SIRPG: variants seen among roughly 807,000 people sequenced by gnomAD.
SIRPG encodes signal-regulatory protein gamma.
SIRPG carries 38 observed loss-of-function variants against 35.7 expected under a neutral mutation model. The observed-to-expected ratio is 1.06, with a 90% CI of 0.82 to 1.40. The LOEUF is 1.40. Ranked by LOEUF, SIRPG falls within the 40% of genes most tolerant of loss-of-function variation. The pLI is 0.00. For synonymous variants in SIRPG, 215 were observed against 190.4 expected (o/e 1.13, Z -1.06); for missense variants, 519 against 483.0 (o/e 1.07, Z -0.70).
At chr20:1,671,785 T>C in the SIRPG span, among the ~76,000 whole-genome samples, 5 of 152,258 alleles carry the variant, frequency 3.3e-5, no homozygotes, top group African/African-American at 9.6e-5. Context: ...GCTAGTTATC[T>C]GCAGCAGGAG....
At chr20:1,645,974 A>T (rs1293420430) in intron 2 of SIRPG, 3 of 152,228 alleles carry the variant, frequency 2.0e-5, no homozygotes, top group Non-Finnish European at 2.9e-5. Flanking sequence ...CAATTTGGGG[A>T]TGCTTAGAAT....
the SIRPG span, among the ~76,000 whole-genome samples, chr20:1,677,250 A>G: frequency 6.6e-6 from 1 of 152,148 alleles, no homozygotes; most frequent in Non-Finnish European, 1.5e-5. Flanking sequence ...CCCTCTTTGG[A>G]AGTGTCATAC....
At chr20:1,638,366 G>A (rs2091821420) in intron 2 of SIRPG, 1 of 150,034 alleles carries the variant, frequency 6.7e-6, no homozygotes, top group Non-Finnish European at 1.5e-5. Context: ...GTTATCAAGA[G>A]GTTTGGTCAT....
At chr20:1,677,120 A>G in the SIRPG span, among the ~76,000 whole-genome samples, 1 of 145,528 alleles carries the variant, frequency 6.9e-6, no homozygotes, top group East Asian at 1.9e-4. Context: ...TTTAAGATAG[A>G]GCTTAAACAT....
intron 4 of SIRPG, among the ~76,000 whole-genome samples, chr20:1,631,165 A>G (rs1305979016): frequency 6.6e-6 from 1 of 152,204 alleles, no homozygotes; most frequent in Admixed American, 6.5e-5. Flanking sequence ...TAAAGATATT[A>G]CAGTATATTT....
At chr20:1,634,752 T>A (rs2091779015) in intron 4 of SIRPG, among the ~76,000 whole-genome samples, 3 of 152,072 alleles carry the variant, frequency 2.0e-5, no homozygotes, top group South Asian at 4.1e-4. Flanking sequence ...CTTAAATATA[T>A]ATTTATGTAC....
chr20:1,637,452 T>G (rs1367678752), intron 2 of SIRPG: 1 of 167,202 alleles, frequency 6.0e-6, no homozygotes, highest in Non-Finnish European at 1.4e-5. Flanking sequence ...TGAACTGTTT[T>G]CAAAAACAAC....
the SIRPG span, chr20:1,670,788 C>A: frequency 5.2e-6 from 1 of 191,090 alleles, no homozygotes; most frequent in Non-Finnish European, 1.1e-5. Flanking sequence ...GAATTAGATT[C>A]CAGGAAATCC....
chr20:1,657,651 C>T lies in SIRPG; in HGVS notation c.64G>A (p.Gly22Arg). The T allele has an allele frequency of 6.2e-7, 1 of 1,614,138 alleles. No individual in the cohort carries two copies. The highest frequency in any genetic ancestry group is 8.5e-7 in the Non-Finnish European group (1 of 1,180,028). Residue 22 changes from glycine to arginine, a missense_variant, in exon 1 of 6, where the codon GGA becomes AGA. Physicochemically the swap from Gly to Arg is moderately radical, Grantham distance 125. Coordinates refer to ENST00000303415, the MANE Select transcript of SIRPG (RefSeq NM_018556.4). The stretch of plus-strand genomic sequence containing the variant: ...CCAATGCAATGCTCACCTGTAAGTC[C>T]CAGCAGTAGAGTCAGAAGCAGGAAA... The part of the protein sequence containing the change: ...GPFLLLTLLL[G>R]LTEVAGEEEL...
intron 2 of SIRPG, among the ~76,000 whole-genome samples, chr20:1,643,745 A>G (rs765982011): frequency 1.3e-5 from 2 of 151,954 alleles, no homozygotes; most frequent in Non-Finnish European, 2.9e-5. Context: ...TGACCCTTGG[A>G]TGGGGTTTTT....
intron 2 of SIRPG, among the ~76,000 whole-genome samples, chr20:1,645,142 G>A (rs940586582): frequency 5.3e-5 from 8 of 152,088 alleles, no homozygotes; most frequent in Non-Finnish European, 5.9e-5. Context: ...GGCTTTATCC[G>A]GAAACTCTAT....
At chr20:1,683,967 C>T in the SIRPG span, among the ~76,000 whole-genome samples, 1 of 122,016 alleles carries the variant, frequency 8.2e-6, no homozygotes, top group African/African-American at 2.6e-5. Context: ...GAAACACCGT[C>T]TCAAAAAAAA....
chr20:1,657,017 C>T (rs868652727), intron 1 of SIRPG, among the ~76,000 whole-genome samples: 5 of 152,142 alleles, frequency 3.3e-5, no homozygotes, highest in Middle Eastern at 3.4e-3. Context: ...AGGTCACTGG[C>T]GGGGAGCCTT....
At chr20:1,643,589 C>A (rs960125965) in intron 2 of SIRPG, among the ~76,000 whole-genome samples, 2 of 152,186 alleles carry the variant, frequency 1.3e-5, no homozygotes, top group African/African-American at 4.8e-5. Context: ...TCCATTTCCT[C>A]CTTTGTCCAG....
At chr20:1,657,485 G>A (rs1384431550) in intron 1 of SIRPG, among the ~76,000 whole-genome samples, 157 bp downstream of exon 1, 1 of 152,240 alleles carries the variant, frequency 6.6e-6, no homozygotes, top group Non-Finnish European at 1.5e-5. Context: ...GATCCACAGA[G>A]AAAGTGCTCA....
the SIRPG span, among the ~76,000 whole-genome samples, chr20:1,672,196 T>C: frequency 9.2e-5 from 14 of 152,262 alleles, no homozygotes; most frequent in South Asian, 1.0e-3. Flanking sequence ...GAGGATTAAA[T>C]GGGGCCCTGT....
the SIRPG span, among the ~76,000 whole-genome samples, chr20:1,680,662 G>T: frequency 6.6e-6 from 1 of 152,024 alleles, no homozygotes; most frequent in African/African-American, 2.4e-5. Context: ...GTAAACAAAT[G>T]ACAACAATGT....
At chr20:1,673,592 C>T in the SIRPG span, among the ~76,000 whole-genome samples, 1 of 151,980 alleles carries the variant, frequency 6.6e-6, no homozygotes, top group South Asian at 2.1e-4. Flanking sequence ...AAGGCTCAAA[C>T]CCTGCTCCCT....
At chr20:1,645,873 C>A (rs1196310471) in intron 2 of SIRPG, among the ~76,000 whole-genome samples, 1 of 152,174 alleles carries the variant, frequency 6.6e-6, no homozygotes, top group African/African-American at 2.4e-5. Context: ...AGAGTAGGGG[C>A]CATGATTATC....
Sources: allele counts gnomAD v4.1 joint callset (sites outside exome capture counted in the v4.1 genomes callset), GRCh38; gene constraint gnomAD v4.1.1; transcripts MANE v1.5; gene names NCBI Gene and HGNC (gene_info 2026-07-23, HGNC 2026-07-21).